Variants in WFDC10B observed in about 807,000 individuals in gnomAD.
The protein encoded by WFDC10B is protein WFDC10B.
A neutral mutation model predicts 2.7 loss-of-function variants in WFDC10B; 1 was observed. The observed-to-expected ratio is 0.38, with a 90% CI of 0.13 to 1.79. The LOEUF (loss-of-function observed/expected upper bound fraction) is 1.79, where lower values mean the gene tolerates loss of function less well. Among genes scored for constraint, WFDC10B ranks in the 40% most tolerant of loss-of-function variants. The pLI, the probability that WFDC10B is intolerant of heterozygous loss-of-function variation, is 0.33. For synonymous variants in WFDC10B, 26 were observed against 32.2 expected (o/e 0.81, Z 0.65); for missense variants, 71 against 87.8 (o/e 0.81, Z 0.76).
intron 2 of WFDC10B, among the ~76,000 whole-genome samples, chr20:45,692,649 A>T (rs1983850364): frequency 6.6e-6 from 1 of 152,036 alleles, no homozygotes; most frequent in Non-Finnish European, 1.5e-5. Context: ...TGCATTCTTC[A>T]TGTAGTTCTC....
chr20:45,704,943 G>C lies in WFDC10B; in HGVS notation c.-155C>G, dbSNP rs1984331310. On this transcript the variant is annotated 5_prime_UTR_variant, in exon 1 of 4. Coordinates refer to ENST00000330523, the MANE Select transcript of WFDC10B (RefSeq NM_172006.2). ...CTGCAGGTGTAACCAAAATCCCAAA[G>C]CAAAATTTGTCCTACACTTTTGCTT... 1.2e-6 allele frequency: 2 copies of C among 1,614,022 alleles called. No individual in the cohort carries two copies. The highest frequency in any genetic ancestry group is 1.7e-6 in the Non-Finnish European group (2 of 1,179,980).
At chr20:45,685,550 T>C (rs1399780423) in intron 3 of WFDC10B, among the ~76,000 whole-genome samples, 4 of 152,146 alleles carry the variant, frequency 2.6e-5, no homozygotes, top group African/African-American at 9.7e-5. Flanking sequence ...CATAACCACT[T>C]CTAGATGTTC....
chr20:45,695,017 C>T (rs1220030159), intron 2 of WFDC10B, among the ~76,000 whole-genome samples: 2 of 152,230 alleles, frequency 1.3e-5, no homozygotes, highest in African/African-American at 2.4e-5. Flanking sequence ...ACCCTATTTA[C>T]TTCATCTGGC....
intron 2 of WFDC10B, among the ~76,000 whole-genome samples, chr20:45,704,046 G>A (rs890871193): frequency 6.6e-6 from 1 of 152,174 alleles, no homozygotes; most frequent in East Asian, 1.9e-4. Context: ...TGTTGTTAAT[G>A]AGAAGCTCTA....
rs2145632822 is a variant in WFDC10B, at chr20:45,684,850, T to C, written c.202A>G (p.Ile68Val). 2 of 1,613,948 alleles carry C rather than the reference T, an allele frequency of 1.2e-6. No homozygotes were observed. Among genetic ancestry groups the C allele is most frequent in the Middle Eastern group, 1.7e-4 (1 of 6,058 alleles). ...CCCACTCATAGGATGCTCATACAAA[T>C]GTTCCCACAGAAGGCTGAACAGCAT... ...KICCSAFCGN[I>V]CMSIL The change falls in exon 4 of 4, where the codon ATT (isoleucine) becomes GTT (valine). Residue 68 changes from isoleucine to valine, a missense_variant. Physicochemically the swap from Ile to Val is conservative, Grantham distance 29. Coordinates refer to ENST00000330523, the MANE Select transcript of WFDC10B (RefSeq NM_172006.2).
In WFDC10B at chr20:45,705,016, C is replaced by G; in HGVS notation, c.-228G>C. 5.0e-6 allele frequency: 8 copies of G among 1,611,872 alleles called. No homozygotes were observed. The highest frequency in any genetic ancestry group is 6.8e-6 in the Non-Finnish European group (8 of 1,177,972). ...TCCTTTGGCCACCAGTGTTCTTGGG[C>G]TCTGGAGATCCAGCCCAAAGGAAGT... On this transcript the variant is annotated 5_prime_UTR_variant, in exon 1 of 4. Coordinates refer to ENST00000330523, the MANE Select transcript of WFDC10B (RefSeq NM_172006.2).
At chr20:45,696,348 G>C (rs896591604) in intron 2 of WFDC10B, among the ~76,000 whole-genome samples, 1 of 144,346 alleles carries the variant, frequency 6.9e-6, no homozygotes, top group African/African-American at 2.6e-5. Flanking sequence ...TACGAAACTA[G>C]AAAGAGAAGA....
chr20:45,702,507 T>C (rs2145643899), intron 2 of WFDC10B, among the ~76,000 whole-genome samples: 1 of 152,348 alleles, frequency 6.6e-6, no homozygotes, highest in South Asian at 2.1e-4. Flanking sequence ...TATTAAATGC[T>C]GTAAATGTGA....
rs1346030208 is a variant in WFDC10B, at chr20:45,698,919, G to A, written c.-65+5578C>T. ...GGAGGTGGAGGTTGCAGTGAGCTGA[G>A]ATCACACCACTGCACTCCAGCCTGG... On this transcript the variant is annotated intron_variant, in intron 2 of 3. Transcript: ENST00000330523. Among the ~76,000 whole-genome samples the A allele has an allele frequency of 2.2e-5, 3 of 139,424 alleles. No homozygotes were observed. The East Asian group carries it at 6.9e-4, about 32-fold the overall frequency. 91.5% of individuals were successfully genotyped at this position (139,424 alleles called of 152,430 possible).
At chr20:45,703,880 A>G (rs1467918465) in intron 2 of WFDC10B, among the ~76,000 whole-genome samples, 1 of 152,158 alleles carries the variant, frequency 6.6e-6, no homozygotes, top group Non-Finnish European at 1.5e-5. Flanking sequence ...ACCATGAAAG[A>G]AGTCACTCCC....
At chr20:45,693,600 G>A in intron 2 of WFDC10B, among the ~76,000 whole-genome samples, 1 of 152,322 alleles carries the variant, frequency 6.6e-6, no homozygotes, top group East Asian at 1.9e-4. Flanking sequence ...CTAGCAATCA[G>A]CGAGACTCGG....
chr20:45,695,054 C>A (rs982146021), intron 2 of WFDC10B, among the ~76,000 whole-genome samples: 1 of 152,202 alleles, frequency 6.6e-6, no homozygotes, highest in Admixed American at 6.5e-5. Context: ...TTATAATAAA[C>A]TGATAAACCT....
chr20:45,685,257 C>T (rs1983569702), intron 3 of WFDC10B, among the ~76,000 whole-genome samples: 1 of 152,120 alleles, frequency 6.6e-6, no homozygotes, highest in Non-Finnish European at 1.5e-5. Context: ...GAAGTCACCC[C>T]CATAGAATCT....
intron 1 of WFDC10B, 160 bp from the exon 2 acceptor site, chr20:45,704,721 A>C: frequency 7.0e-7 from 1 of 1,430,442 alleles, no homozygotes. Flanking sequence ...CCATGTTGCC[A>C]ACATGCCCCT....
Position 45,686,068 on chromosome 20 carries a change from G to C in WFDC10B, c.-64-12C>G. 2 of 1,557,134 alleles carry C rather than the reference G, an allele frequency of 1.3e-6. No individual in the cohort carries two copies. The highest frequency in any genetic ancestry group is 1.7e-6 in the Non-Finnish European group (2 of 1,149,134). On this transcript the variant is annotated splice_polypyrimidine_tract_variant and intron_variant, in intron 2 of 3. Coordinates refer to ENST00000330523, the MANE Select transcript of WFDC10B (RefSeq NM_172006.2). ...CCCTGCAGAGCTGCCTGTGGAGAGG[G>C]AAGGAAATAAAGAAGGAATGATCTT...
At chr20:45,696,469 GT>G (rs1217624141) in intron 2 of WFDC10B, among the ~76,000 whole-genome samples, 5 of 151,846 alleles carry the variant, frequency 3.3e-5, no homozygotes, top group Admixed American at 6.6e-5. Context: ...CCAAAGCTTG[GT>G]TTTTTTAAAA....
intron 2 of WFDC10B, 147 bp downstream of exon 2, chr20:45,704,350 G>T: frequency 6.7e-7 from 1 of 1,496,516 alleles, no homozygotes. Context: ...AGATGAGGGT[G>T]GCAGGTTTCC....
intron 2 of WFDC10B, among the ~76,000 whole-genome samples, chr20:45,693,943 A>C (rs6130893): frequency 0.19 from 28,817 of 152,122 alleles, 2,980 homozygotes; most frequent in East Asian, 0.32. Context: ...GAGCTGTAGA[A>C]CGGAGCTGTT....
At chr20:45,685,062 C>T in intron 3 of WFDC10B, 102 bp from the exon 4 acceptor site, 1 of 1,471,348 alleles carries the variant, frequency 6.8e-7, no homozygotes, top group Non-Finnish European at 9.2e-7. Context: ...GCACCCCTGC[C>T]ACCACGACTC....
Sources: allele counts gnomAD v4.1 joint callset (sites outside exome capture counted in the v4.1 genomes callset), GRCh38; gene constraint gnomAD v4.1.1; transcripts MANE v1.5; gene names NCBI Gene and HGNC (gene_info 2026-07-23, HGNC 2026-07-21).